The following TBC1D16 variants were observed in gnomAD, a reference collection of about 807,000 sequenced individuals.
TBC1D16 encodes the protein TBC1 domain family member 16, also known as CTD-2529O21.1.
Under a neutral mutation model 74.7 loss-of-function variants are expected in TBC1D16, and 58 were observed. The observed-to-expected ratio is 0.78, with a 90% CI of 0.63 to 0.97. The LOEUF is 0.97. Ranked by LOEUF, TBC1D16 falls within the 50% of genes least tolerant of loss-of-function variation. The pLI, the probability that TBC1D16 is intolerant of heterozygous loss-of-function variation, is 0.00. For missense variants in TBC1D16, 1,014 were observed against 1,079.5 expected, an observed-to-expected ratio of 0.94 and a Z score of 0.85; for synonymous variants, 493 against 474.7, an observed-to-expected ratio of 1.04 and a Z score of -0.50.
rs1263349799 is a variant in TBC1D16, at chr17:79,933,903, C to T, written c.*6956G>A. ...AATGCATGAATGATGTGGAAGGAGC[C>T]AGAACAGGGCTGCAGACAGGATGCT... On this transcript the variant is annotated 3_prime_UTR_variant, in exon 12 of 12. Coordinates refer to ENST00000310924, the MANE Select transcript of TBC1D16 (RefSeq NM_019020.4). 1 of 152,224 alleles carries T rather than the reference C, an allele frequency of 6.6e-6. No homozygotes were observed. The highest frequency in any genetic ancestry group is 1.5e-5 in the Non-Finnish European group (1 of 68,058). The allele number at this position is 152,224 out of a possible 1,614,324, so 9.4% of individuals were successfully genotyped here.
chr17:79,983,557 C>A lies in TBC1D16; in HGVS notation c.779+26603G>T, dbSNP rs907931266. On this transcript the variant is annotated intron_variant, in intron 3 of 11. Coordinates refer to ENST00000310924, the MANE Select transcript of TBC1D16 (RefSeq NM_019020.4). This position sits in a 1 kb window ranked among gnomAD's most constrained non-coding sequence, Gnocchi z 5.6. Reference sequence around the variant, plus strand: ...CAGGCACGGGGAGCTGAGCCACCGACGGCTACAAAGACGGGGACGCTTTCC... The same window carrying A: ...CAGGCACGGGGAGCTGAGCCACCGAAGGCTACAAAGACGGGGACGCTTTCC... Among the ~76,000 whole-genome samples the A allele has an allele frequency of 6.6e-6, 1 of 152,226 alleles. No individual in the cohort carries two copies. The highest frequency in any genetic ancestry group is 1.5e-5 in the Non-Finnish European group (1 of 68,042).
chr17:79,963,257 T>A (rs1478883773), intron 3 of TBC1D16, among the ~76,000 whole-genome samples: 1 of 151,344 alleles, frequency 6.6e-6, no homozygotes, highest in African/African-American at 2.4e-5. Context: ...AACTTCCCAT[T>A]CCCCCCTCAC....
intron 3 of TBC1D16, among the ~76,000 whole-genome samples, chr17:79,960,785 A>C: frequency 4.5e-5 from 5 of 110,034 alleles, no homozygotes; most frequent in Admixed American, 8.6e-5. Context: ...AACCCAAAAA[A>C]AAAAAAAAAA....
intron 1 of TBC1D16, among the ~76,000 whole-genome samples, chr17:80,033,473 A>T (rs2036843537): frequency 6.6e-6 from 1 of 152,016 alleles, no homozygotes; most frequent in Admixed American, 6.6e-5. Flanking sequence ...CCCGGGCTCA[A>T]GCTATCCTCC....
At chr17:80,014,955 T>C (rs1445786898) in intron 1 of TBC1D16, among the ~76,000 whole-genome samples, 1 of 152,178 alleles carries the variant, frequency 6.6e-6, no homozygotes, top group Non-Finnish European at 1.5e-5. Flanking sequence ...AAACATGTGA[T>C]GACTCTGCCT....
At chr17:79,947,605 C>T (rs879247741) in intron 9 of TBC1D16, 40 bp downstream of exon 9, 1 of 1,602,422 alleles carries the variant, frequency 6.2e-7, no homozygotes, top group Admixed American at 1.7e-5. Flanking sequence ...AACACGGGCC[C>T]TCACATGCCC....
chr17:80,026,460 G>T (rs564173503), intron 1 of TBC1D16, among the ~76,000 whole-genome samples: 77 of 149,580 alleles, frequency 5.1e-4, no homozygotes, highest in Non-Finnish European at 9.7e-4. Context: ...GGGGAGGGGG[G>T]AATCTATTAG....
chr17:79,997,118 C>A (rs2144561311), intron 3 of TBC1D16, among the ~76,000 whole-genome samples: 1 of 152,198 alleles, frequency 6.6e-6, no homozygotes, highest in East Asian at 1.9e-4. Context: ...GTGGAGGAAC[C>A]CTGCGGTGGG....
intron 1 of TBC1D16, among the ~76,000 whole-genome samples, chr17:80,030,321 T>C (rs1043060289): frequency 2.0e-5 from 3 of 151,954 alleles, no homozygotes; most frequent in East Asian, 1.9e-4. Context: ...CTTTTAGCAG[T>C]AGGATGAGGA....
chr17:80,010,455 C>G lies in TBC1D16; in HGVS notation c.484G>C (p.Glu162Gln). ...MLASPAPEDE[E>Q]KLAQGLGVDG... is the part of the protein sequence containing the mutation. ...ACCCCCAAGCCCTGCGCCAGCTTCTCCTCATCCTCTGGCGCAGGGCTGGCG... is the reference window on the plus strand; with the variant it reads ...ACCCCCAAGCCCTGCGCCAGCTTCTGCTCATCCTCTGGCGCAGGGCTGGCG... The change falls in exon 3 of 12, where the codon GAG becomes CAG. Residue 162 changes from glutamate to glutamine, a missense_variant. Physicochemically the swap from Glu to Gln is conservative, Grantham distance 29. Coordinates refer to ENST00000310924, the MANE Select transcript of TBC1D16 (RefSeq NM_019020.4). The surrounding 1 kb of genome is among the most constrained non-coding windows in gnomAD (Gnocchi z 8.8). The G allele has an allele frequency of 6.2e-7, 1 of 1,609,474 alleles. No individual in the cohort carries two copies. The highest frequency in any genetic ancestry group is 8.5e-7 in the Non-Finnish European group (1 of 1,178,160).
At chr17:79,973,722 GA>G (rs923294403) in intron 3 of TBC1D16, among the ~76,000 whole-genome samples, 4 of 74,350 alleles carry the variant, frequency 5.4e-5, no homozygotes, top group South Asian at 5.5e-4. Flanking sequence ...AAAAAAAAAA[GA>G]AAAAAAAATT....
intron 10 of TBC1D16, among the ~76,000 whole-genome samples, chr17:79,942,450 G>C (rs1462084286): frequency 6.6e-6 from 1 of 150,640 alleles, no homozygotes; most frequent in African/African-American, 2.4e-5. Flanking sequence ...ATCCAGAGGG[G>C]ACGATGCTGA....
intron 2 of TBC1D16, among the ~76,000 whole-genome samples, chr17:80,011,686 C>T (rs575015657): frequency 2.0e-5 from 3 of 152,094 alleles, no homozygotes; most frequent in South Asian, 2.1e-4. Context: ...ATTAGCCGGG[C>T]GTGATGGTGG....
Position 79,972,407 on chromosome 17 carries a change from C to T in TBC1D16, c.780-19589G>A, listed in dbSNP as rs561131516. 2.0e-5 allele frequency among the ~76,000 whole-genome samples: 3 copies of T among 152,308 alleles called. No homozygotes were observed. The South Asian group carries it at 6.2e-4, about 32-fold the overall frequency. ...GGCCACGCTGGTCTCGAACTCCTGACCTCGTGGTCCACCCGCCTTGGCCTC... is the reference window on the plus strand; with the variant it reads ...GGCCACGCTGGTCTCGAACTCCTGATCTCGTGGTCCACCCGCCTTGGCCTC... On this transcript the variant is annotated intron_variant, in intron 3 of 11. Transcript: ENST00000310924.
At chr17:79,946,715 A>C (rs2032572632) in intron 9 of TBC1D16, among the ~76,000 whole-genome samples, 1 of 152,134 alleles carries the variant, frequency 6.6e-6, no homozygotes, top group Non-Finnish European at 1.5e-5. Context: ...CTCCACCCTC[A>C]CTACTTGTGA....
At chr17:79,974,816 G>A (rs78892493) in intron 3 of TBC1D16, among the ~76,000 whole-genome samples, 1 of 152,176 alleles carries the variant, frequency 6.6e-6, no homozygotes, top group Non-Finnish European at 1.5e-5. Context: ...GTAGGAGGCT[G>A]GGTTCACGCT....
rs567447011 is a variant in TBC1D16 at position 79,959,294 on chromosome 17, C to T, written c.780-6476G>A. ...ATGCACCATGTCCATAGAATAAAAC[C>T]GTCAACTTGGTTAAGATGACAATCT... On this transcript the variant is annotated intron_variant, in intron 3 of 11. Transcript: ENST00000310924. Among the ~76,000 whole-genome samples, 7 of 152,190 alleles carry T rather than the reference C, an allele frequency of 4.6e-5. No individual in the cohort carries two copies. In the South Asian group the frequency reaches 1.0e-3, roughly 23 times the overall value.
In TBC1D16 at chr17:80,008,778, G is replaced by A. The variant is rs1007297082; in HGVS notation, c.779+1382C>T. On this transcript the variant is annotated intron_variant, in intron 3 of 11. Coordinates refer to ENST00000310924, the MANE Select transcript of TBC1D16 (RefSeq NM_019020.4). This position sits in a 1 kb window ranked among gnomAD's most constrained non-coding sequence, Gnocchi z 4.5. ...TCCAATAACTGAGATGAATGTTATCGGTTCACCCTGGGGCTCTAATGGACT... is the reference window on the plus strand; with the variant it reads ...TCCAATAACTGAGATGAATGTTATCAGTTCACCCTGGGGCTCTAATGGACT... Among the ~76,000 whole-genome samples the A allele has an allele frequency of 6.6e-6, 1 of 152,136 alleles. No individual in the cohort carries two copies. Among genetic ancestry groups the A allele is most frequent in the African/African-American group, 2.4e-5 (1 of 41,412 alleles).
chr17:79,950,737 G>A lies in TBC1D16; in HGVS notation c.1090-159C>T. On this transcript the variant is annotated intron_variant, in intron 5 of 11. Transcript: ENST00000310924. This position sits in a 1 kb window ranked among gnomAD's most constrained non-coding sequence, Gnocchi z 4.6. ...CCCTAAATGGCGAGTGTAATTAGGC[G>A]CAATTAAAATGAAAATACCTTCATC... 2 of 1,536,902 alleles carry A rather than the reference G, an allele frequency of 1.3e-6. No individual in the cohort carries two copies. The highest frequency in any genetic ancestry group is 1.7e-6 in the Non-Finnish European group (2 of 1,144,846).
Sources: allele counts gnomAD v4.1 joint callset (sites outside exome capture counted in the v4.1 genomes callset), GRCh38; gene constraint gnomAD v4.1.1; non-coding constraint Gnocchi (gnomAD v3.1); transcripts MANE v1.5; gene names NCBI Gene and HGNC (gene_info 2026-07-23, HGNC 2026-07-21).